The following VTCN1 variants were observed in gnomAD, a reference collection of about 807,000 sequenced individuals.
VTCN1 encodes the protein V-set domain-containing T-cell activation inhibitor 1.
Under a neutral mutation model 26.5 loss-of-function variants are expected in VTCN1, and 26 were observed. The observed-to-expected ratio is 0.98, with a 90% confidence interval of 0.72 to 1.36. The LOEUF is 1.36. Ranked by LOEUF, VTCN1 falls within the 40% of genes most tolerant of loss-of-function variation. The pLI, the probability that VTCN1 is intolerant of heterozygous loss-of-function variation, is 0.00. For missense variants in VTCN1, 298 were observed against 337.7 expected (o/e 0.88, Z 0.92); for synonymous variants, 116 against 130.7 (o/e 0.89, Z 0.77).
intron 1 of VTCN1, among the ~76,000 whole-genome samples, chr1:117,194,266 A>G (rs566929516): frequency 6.6e-6 from 1 of 152,310 alleles, no homozygotes; most frequent in South Asian, 2.1e-4. Flanking sequence ...GGCAAATGAA[A>G]AGGTGGTCAA....
At chr1:117,208,226 T>C (rs1649196093) in intron 1 of VTCN1, among the ~76,000 whole-genome samples, 1 of 152,250 alleles carries the variant, frequency 6.6e-6, no homozygotes, top group Admixed American at 6.5e-5. Context: ...AGTGTGTAGC[T>C]TTCCAACACA....
At chr1:117,192,652 G>A (rs1648301723) in intron 1 of VTCN1, among the ~76,000 whole-genome samples, 1 of 152,162 alleles carries the variant, frequency 6.6e-6, no homozygotes, top group Admixed American at 6.5e-5. Flanking sequence ...AGATGTGTGT[G>A]TTGGGGGTAA....
intron 1 of VTCN1, among the ~76,000 whole-genome samples, chr1:117,176,078 C>A (rs540807849): frequency 6.6e-6 from 1 of 152,216 alleles, no homozygotes; most frequent in South Asian, 2.1e-4. Flanking sequence ...CCAGAGACAC[C>A]TATCTCTTAA....
chr1:117,178,557 C>CTGGCCT, intron 1 of VTCN1, among the ~76,000 whole-genome samples: 2 of 148,410 alleles, frequency 1.3e-5, no homozygotes, highest in East Asian at 4.0e-4. Flanking sequence ...TGCACCGCAC[C>CTGGCCT]TGGCCTTCAG....
At chr1:117,206,222 G>C (rs1649069836) in intron 1 of VTCN1, among the ~76,000 whole-genome samples, 1 of 151,298 alleles carries the variant, frequency 6.6e-6, no homozygotes, top group African/African-American at 2.4e-5. Context: ...AGAGCTAACT[G>C]AATTTAAGAG....
chr1:117,179,660 G>C (rs1647575067), intron 1 of VTCN1, among the ~76,000 whole-genome samples: 1 of 152,188 alleles, frequency 6.6e-6, no homozygotes, highest in Non-Finnish European at 1.5e-5. Context: ...ATTTTGAAAG[G>C]CCCTTTCAAA....
Position 117,203,958 on chromosome 1 carries a change from G to T in VTCN1, c.32+6866C>A, listed in dbSNP as rs570607481. ...AGACCATACTTTGAACATCGAGTTTGGATGGGGAAGGCCTTAGGGTTCATC... is the reference window on the plus strand; with the variant it reads ...AGACCATACTTTGAACATCGAGTTTTGATGGGGAAGGCCTTAGGGTTCATC... On this transcript the variant is annotated intron_variant, in intron 1 of 5. Coordinates refer to ENST00000369458, the MANE Select transcript of VTCN1 (RefSeq NM_024626.4). 6 of 185,068 alleles carry T rather than the reference G, an allele frequency of 3.2e-5. No individual in the cohort carries two copies. The South Asian group carries it at 9.1e-4, about 28-fold the overall frequency. 11.5% of individuals were successfully genotyped at this position (185,068 alleles called of 1,614,324 possible).
chr1:117,160,132 A>G (rs776267176), intron 2 of VTCN1, among the ~76,000 whole-genome samples: 19 of 152,144 alleles, frequency 1.2e-4, no homozygotes, highest in Non-Finnish European at 2.4e-4. Context: ...CCAAGAGGAG[A>G]GTGGAGGAGA....
chr1:117,172,458 G>A (rs1274068552), intron 1 of VTCN1: 2 of 518,718 alleles, frequency 3.9e-6, no homozygotes, highest in Admixed American at 3.9e-5. Context: ...AGAACAGCTA[G>A]ATAAAGTCAT....
At chr1:117,184,457 A>G (rs1226025691) in intron 1 of VTCN1, among the ~76,000 whole-genome samples, 1 of 152,214 alleles carries the variant, frequency 6.6e-6, no homozygotes. Flanking sequence ...AGAAATTTAT[A>G]ATCAGGAAAA....
chr1:117,149,112 C>A (rs1313523691), intron 4 of VTCN1, among the ~76,000 whole-genome samples: 1 of 152,126 alleles, frequency 6.6e-6, no homozygotes, highest in Non-Finnish European at 1.5e-5. Flanking sequence ...GTGGGGATCC[C>A]TTCTCATAAA....
At chr1:117,176,312 G>T (rs553599929) in intron 1 of VTCN1, among the ~76,000 whole-genome samples, 1 of 152,288 alleles carries the variant, frequency 6.6e-6, no homozygotes, top group African/African-American at 2.4e-5. Context: ...CAATTTGAGG[G>T]TGTATGACTT....
At position 117,143,963 on chromosome 1, in the gene VTCN1, G is replaced by T. The variant is rs1651382754; in HGVS notation, c.*1308C>A. 6.6e-6 allele frequency: 1 copy of T among 152,208 alleles called. No homozygotes were observed. Among genetic ancestry groups the T allele is most frequent in the South Asian group, 2.1e-4 (1 of 4,830 alleles). 9.4% of individuals were successfully genotyped at this position (152,208 alleles called of 1,614,324 possible). A position where few individuals can be genotyped will look rare whatever the true frequency, so the allele number is the denominator to read the frequency against. On this transcript the variant is annotated 3_prime_UTR_variant, in exon 6 of 6. Transcript: ENST00000369458. ...CTTGGCTTGCAGGGTAGAATGAAGG[G>T]AAAGAAACTTAGAAGCTCAACAAGC...
At chr1:117,200,281 T>C (rs947243021) in intron 1 of VTCN1, among the ~76,000 whole-genome samples, 5 of 152,094 alleles carry the variant, frequency 3.3e-5, no homozygotes, top group African/African-American at 1.2e-4. Context: ...GTACCTGTAA[T>C]CCCAGCTACC....
In VTCN1 at chr1:117,178,271, T is replaced by C. The variant is rs563654132; in HGVS notation, c.33-8100A>G. Among the ~76,000 whole-genome samples the C allele has an allele frequency of 4.0e-3, 602 of 149,574 alleles. 1 individual carries two copies. Among genetic ancestry groups the C allele is most frequent in the Admixed American group, 7.8e-3 (117 of 15,082 alleles). ...CTTTCTTTTTTTTCTTTTTTTTTTT[T>C]TTTGAGATGGAGTCTCTCTCTGTGA... On this transcript the variant is annotated intron_variant, in intron 1 of 5. Coordinates refer to ENST00000369458, the MANE Select transcript of VTCN1 (RefSeq NM_024626.4).
chr1:117,153,444 GC>G, intron 3 of VTCN1, 75 bp from the exon 4 acceptor site: 1 of 1,476,086 alleles, frequency 6.8e-7, no homozygotes, highest in African/African-American at 1.4e-5. Context: ...GAAGCGCTAG[GC>G]CTTAAAAATG....
intron 1 of VTCN1, among the ~76,000 whole-genome samples, chr1:117,197,470 A>G (rs1209728327): frequency 6.6e-6 from 1 of 152,186 alleles, no homozygotes; most frequent in Non-Finnish European, 1.5e-5. Context: ...AAATGGAAAC[A>G]CTTCAGCTAT....
intron 1 of VTCN1, among the ~76,000 whole-genome samples, chr1:117,181,148 G>T (rs962021000): frequency 6.6e-6 from 1 of 151,952 alleles, no homozygotes; most frequent in Non-Finnish European, 1.5e-5. Context: ...TAGGAGTGGT[G>T]GTTCATGCCT....
intron 1 of VTCN1, chr1:117,203,600 G>C (rs1167385952): frequency 3.0e-6 from 3 of 985,178 alleles, no homozygotes; most frequent in Non-Finnish European, 3.6e-6. Context: ...AGAGAGAAAT[G>C]TAGCCTGGGT....
Sources: gnomAD v4.1 joint callset for allele counts (sites outside exome capture counted in the v4.1 genomes callset) on GRCh38, gnomAD v4.1.1 for gene constraint, MANE v1.5 for transcripts, NCBI Gene and HGNC (gene_info 2026-07-23, HGNC 2026-07-21) for gene names.